The following PPM1H variants were observed in gnomAD, a reference collection of about 807,000 sequenced individuals.
PPM1H encodes protein phosphatase 1H.
PPM1H carries 27 observed loss-of-function variants against 54.9 expected under a neutral mutation model. The observed-to-expected ratio is 0.49, with a 90% confidence interval of 0.36 to 0.68. The LOEUF is 0.68. PPM1H is among the 30% of genes least tolerant of loss of function. The pLI is 0.00. For synonymous variants in PPM1H, 305 were observed against 270.8 expected, an observed-to-expected ratio of 1.13 and a Z score of -1.24; for missense variants, 596 against 667.8, an observed-to-expected ratio of 0.89 and a Z score of 1.19.
In PPM1H at chr12:62,694,139, T is replaced by C. The variant is rs955700462; in HGVS notation, c.1074-140A>G. 9 of 705,162 alleles carry C rather than the reference T, an allele frequency of 1.3e-5. No individual in the cohort carries two copies. In the African/African-American group the frequency reaches 1.4e-4, roughly 11 times the overall value. 43.7% of individuals were successfully genotyped at this position (705,162 alleles called of 1,614,324 possible). ...TGACTACCTCTTCCTTTATAGGGAGTTGTTCTCCCTACAGAATTGTGTGTG... is the reference window on the plus strand; with the variant it reads ...TGACTACCTCTTCCTTTATAGGGAGCTGTTCTCCCTACAGAATTGTGTGTG... On this transcript the variant is annotated intron_variant, in intron 6 of 9. Coordinates refer to ENST00000228705, the MANE Select transcript of PPM1H (RefSeq NM_020700.2).
chr12:62,732,188 G>A (rs944016753), intron 5 of PPM1H, among the ~76,000 whole-genome samples: 1 of 152,104 alleles, frequency 6.6e-6, no homozygotes, highest in Non-Finnish European at 1.5e-5. Flanking sequence ...GCCACATTCC[G>A]TGTGAACATG....
intron 2 of PPM1H, among the ~76,000 whole-genome samples, chr12:62,826,434 G>C (rs1007602078): frequency 1.3e-5 from 2 of 152,178 alleles, no homozygotes; most frequent in Admixed American, 1.3e-4. Context: ...GGGCGACAGA[G>C]TGAGACTTCA....
At chr12:62,662,145 C>A (rs1208318300) in intron 9 of PPM1H, among the ~76,000 whole-genome samples, 1 of 152,162 alleles carries the variant, frequency 6.6e-6, no homozygotes, top group Non-Finnish European at 1.5e-5. Flanking sequence ...CACTCCTTGG[C>A]ATACAGATTT....
chr12:62,781,594 AAC>A (rs1463406097), intron 4 of PPM1H, among the ~76,000 whole-genome samples: 7 of 152,218 alleles, frequency 4.6e-5, no homozygotes, highest in Admixed American at 2.0e-4. Context: ...GGACTTGCTA[AAC>A]ACAGACTGCT....
At chr12:62,759,640 G>A (rs1278224054) in intron 4 of PPM1H, among the ~76,000 whole-genome samples, 1 of 152,156 alleles carries the variant, frequency 6.6e-6, no homozygotes, top group East Asian at 1.9e-4. Flanking sequence ...TGCCTGCCTT[G>A]GTCTTTCACC....
chr12:62,706,861 A>T (rs934720088), intron 6 of PPM1H, among the ~76,000 whole-genome samples: 1 of 152,252 alleles, frequency 6.6e-6, no homozygotes, highest in Non-Finnish European at 1.5e-5. Flanking sequence ...TTCACATTCT[A>T]GGTTTTTATA....
intron 2 of PPM1H, among the ~76,000 whole-genome samples, chr12:62,826,188 G>T (rs923183556): frequency 2.0e-5 from 3 of 152,122 alleles, no homozygotes; most frequent in African/African-American, 4.8e-5. Context: ...AGTGGCTCAC[G>T]TCTGTAATCC....
intron 3 of PPM1H, among the ~76,000 whole-genome samples, chr12:62,791,011 A>G (rs1025024723): frequency 6.6e-6 from 1 of 152,110 alleles, no homozygotes; most frequent in Non-Finnish European, 1.5e-5. Context: ...GACCCTCAAC[A>G]CCTAGGTTAG....
At chr12:62,752,387 C>G (rs776041623) in intron 4 of PPM1H, among the ~76,000 whole-genome samples, 7 of 152,114 alleles carry the variant, frequency 4.6e-5, no homozygotes, top group Non-Finnish European at 8.8e-5. Flanking sequence ...CTCACTTAGG[C>G]TTTAAGAATA....
chr12:62,928,181 G>C (rs750113763), intron 1 of PPM1H, among the ~76,000 whole-genome samples: 1 of 152,198 alleles, frequency 6.6e-6, no homozygotes, highest in Non-Finnish European at 1.5e-5. Flanking sequence ...CTCTAATAAA[G>C]TATAAATAGG....
chr12:62,673,811 A>T (rs2075970865), intron 8 of PPM1H, among the ~76,000 whole-genome samples: 1 of 139,138 alleles, frequency 7.2e-6, no homozygotes, highest in African/African-American at 2.7e-5. Flanking sequence ...CTGCAGCCTC[A>T]ACCTGCCACA....
At chr12:62,732,655 T>C (rs1387993199) in intron 5 of PPM1H, among the ~76,000 whole-genome samples, 1 of 151,660 alleles carries the variant, frequency 6.6e-6, no homozygotes, top group Non-Finnish European at 1.5e-5. Flanking sequence ...CACTGCAAGT[T>C]CTGCCTCCCG....
At chr12:62,817,138 A>AAAAAAAAAAAAAG (rs2076872951) in intron 2 of PPM1H, among the ~76,000 whole-genome samples, 1 of 84,976 alleles carries the variant, frequency 1.2e-5, no homozygotes. Context: ...AAAAAAAAAG[A>AAAAAAAAAAAAAG]AAAAAAAAAA....
intron 1 of PPM1H, among the ~76,000 whole-genome samples, chr12:62,880,887 C>T (rs928109324): frequency 6.6e-6 from 1 of 152,102 alleles, no homozygotes; most frequent in African/African-American, 2.4e-5. Context: ...GTTGGGGAAC[C>T]ATCCTCTGTG....
At chr12:62,795,568 T>C (rs1279030542) in intron 3 of PPM1H, among the ~76,000 whole-genome samples, 1 of 152,050 alleles carries the variant, frequency 6.6e-6, no homozygotes, top group African/African-American at 2.4e-5. Flanking sequence ...TGCCTCAGGC[T>C]CCCGAGTAGC....
intron 8 of PPM1H, among the ~76,000 whole-genome samples, chr12:62,673,947 G>T (rs1259368349): frequency 3.3e-5 from 5 of 151,698 alleles, no homozygotes; most frequent in Admixed American, 6.6e-5. Context: ...AAACTCCTGA[G>T]CTCAAGAGAT....
intron 4 of PPM1H, among the ~76,000 whole-genome samples, chr12:62,743,823 A>G (rs1228164906): frequency 1.3e-5 from 2 of 152,156 alleles, no homozygotes; most frequent in Non-Finnish European, 2.9e-5. Context: ...ATGAAAATGC[A>G]CACTAAAGTA....
intron 8 of PPM1H, among the ~76,000 whole-genome samples, chr12:62,683,069 ATTATTATTATTAT>A (rs2086763079): frequency 7.3e-6 from 1 of 137,884 alleles, no homozygotes; most frequent in African/African-American, 3.0e-5. Context: ...TATTATTATT[ATTATTATTATTAT>A]TATTTTTGTA....
intron 1 of PPM1H, among the ~76,000 whole-genome samples, chr12:62,857,034 G>A (rs1375827456): frequency 6.6e-6 from 1 of 152,148 alleles, no homozygotes; most frequent in Non-Finnish European, 1.5e-5. Context: ...CATTATAGTA[G>A]TTTATGAATC....
Sources: gnomAD v4.1 joint callset for allele counts (sites outside exome capture counted in the v4.1 genomes callset) on GRCh38, gnomAD v4.1.1 for gene constraint, MANE v1.5 for transcripts, NCBI Gene and HGNC (gene_info 2026-07-23, HGNC 2026-07-21) for gene names.